GDAP1: variants seen among roughly 807,000 people sequenced by gnomAD.
The protein encoded by GDAP1 is ganglioside-induced differentiation-associated protein 1.
In GDAP1, 34 loss-of-function variants were observed where a neutral mutation model predicts 40.1. The observed-to-expected ratio is 0.85, with a 90% CI of 0.64 to 1.13. GDAP1 has a LOEUF of 1.13. Ranked by LOEUF, GDAP1 falls within the 50% of genes most tolerant of loss-of-function variation. The probability of loss-of-function intolerance (pLI) is 0.00; values close to 1 mark genes in which losing one functional copy is unlikely to be tolerated. For missense variants in GDAP1, 374 were observed against 433.7 expected (o/e 0.86, Z 1.22); for synonymous variants, 170 against 157.4 (o/e 1.08, Z -0.60).
At chr8:74,390,941 C>A (rs982498098) in intron 2 of GDAP1, among the ~76,000 whole-genome samples, 4 of 152,324 alleles carry the variant, frequency 2.6e-5, no homozygotes, top group African/African-American at 9.6e-5. Flanking sequence ...CTGCAGTGGG[C>A]TCTGCCCAGT....
At chr8:74,413,015 T>C (rs13261436) in intron 2 of GDAP1, among the ~76,000 whole-genome samples, 67,337 of 135,064 alleles carry the variant, frequency 0.5, 16,940 homozygotes, top group Middle Eastern at 0.61. Flanking sequence ...TGCAGTGAGC[T>C]GAGATCGCTC....
intron 2 of GDAP1, among the ~76,000 whole-genome samples, chr8:74,478,168 C>A (rs1384952139): frequency 6.6e-6 from 1 of 151,980 alleles, no homozygotes; most frequent in African/African-American, 2.4e-5. Flanking sequence ...TCCCTGCCTG[C>A]CAACAGACAA....
At chr8:74,405,860 G>A (rs1805630633) in intron 2 of GDAP1, among the ~76,000 whole-genome samples, 1 of 149,786 alleles carries the variant, frequency 6.7e-6, no homozygotes, top group African/African-American at 2.6e-5. Context: ...TTCAGCATTG[G>A]AGGCCAGTCA....
chr8:74,440,604 CTTT>C (rs55740070), intron 2 of GDAP1, among the ~76,000 whole-genome samples: 1 of 143,712 alleles, frequency 7.0e-6, no homozygotes. Context: ...CTTTAGAAGT[CTTT>C]TTTTTTTTTT....
Position 74,463,951 on chromosome 8 carries a change from A to G in GDAP1, c.166-24727A>G, listed in dbSNP as rs1178160069. On this transcript the variant is annotated intron_variant, in intron 2 of 2. Transcript: ENST00000523640. The stretch of plus-strand genomic sequence containing the variant: ...TATCTAGCATAAAGGGAAAAAATCC[A>G]TAAATACGTATGTACCTGCTATATC... Among the ~76,000 whole-genome samples, 3 of 138,774 alleles carry G rather than the reference A, an allele frequency of 2.2e-5. No individual in the cohort carries two copies. In the Admixed American group the frequency reaches 2.2e-4, roughly 10 times the overall value. 91.0% of individuals were successfully genotyped at this position (138,774 alleles called of 152,430 possible). A position where few individuals can be genotyped will look rare whatever the true frequency, so the allele number is the denominator to read the frequency against.
intron 2 of GDAP1, among the ~76,000 whole-genome samples, chr8:74,475,002 A>T (rs931540560): frequency 6.6e-6 from 1 of 151,852 alleles, no homozygotes; most frequent in Non-Finnish European, 1.5e-5. Context: ...CTGGTTCAGT[A>T]TTGGGACAGT....
chr8:74,485,924 C>T (rs1044699930), intron 2 of GDAP1, among the ~76,000 whole-genome samples: 3 of 152,010 alleles, frequency 2.0e-5, no homozygotes, highest in African/African-American at 7.3e-5. Flanking sequence ...GAAAACTGAC[C>T]CAAAAGTGGT....
At chr8:74,397,312 T>G (rs887393300) in intron 2 of GDAP1, among the ~76,000 whole-genome samples, 8 of 152,068 alleles carry the variant, frequency 5.3e-5, no homozygotes, top group African/African-American at 1.9e-4. Context: ...AGGTTGCCTG[T>G]TCACTCTGAT....
intron 2 of GDAP1, among the ~76,000 whole-genome samples, chr8:74,356,659 A>AGTGT (rs144717682): frequency 0.014 from 1,749 of 122,958 alleles, 23 homozygotes; most frequent in East Asian, 0.041. Context: ...AATATTATTT[A>AGTGT]GTGTGTGTGT....
At position 74,360,290 on chromosome 8, in the gene GDAP1, A is replaced by T. The variant is rs1162629275; in HGVS notation, c.464A>T (p.Tyr155Phe). The change falls in exon 3 of 6, where the codon TAT (tyrosine) becomes TTT (phenylalanine). Residue 155 changes from tyrosine to phenylalanine, a missense_variant. By Grantham distance (22) the Tyr-to-Phe change is conservative. Transcript: ENST00000220822. Reference sequence around the variant, plus strand: ...ACTGTGGACTCCATGATCCCGGCTTATGCAACTACAAGGATTCGTAGTATG... The same window carrying T: ...ACTGTGGACTCCATGATCCCGGCTTTTGCAACTACAAGGATTCGTAGTATG... ...ELTVDSMIPA[Y>F]ATTRIRSQIG... 1.2e-6 allele frequency: 2 copies of T among 1,613,872 alleles called. No individual in the cohort carries two copies. Among genetic ancestry groups the T allele is most frequent in the Non-Finnish European group, 1.7e-6 (2 of 1,179,828 alleles).
At position 74,359,984 on chromosome 8, in the gene GDAP1, TTGAA is replaced by T. The variant is rs10557622; in HGVS notation, c.311-146_311-143del. ...CTGGTGCATCAGGCCATTTCAAACTTTGAATGAATGTCTGAGGTGAGGAGACAGT... is the reference window on the plus strand; with the variant it reads ...CTGGTGCATCAGGCCATTTCAAACTTTGAATGTCTGAGGTGAGGAGACAGT... On this transcript the variant is annotated intron_variant, in intron 2 of 5. Coordinates refer to ENST00000220822, the MANE Select transcript of GDAP1 (RefSeq NM_018972.4). Among the ~76,000 whole-genome samples the T allele has an allele frequency of 0.99, 151,290 of 152,274 alleles. 75,162 individuals carry two copies. The highest frequency in any genetic ancestry group is 1 in the East Asian group (5,182 of 5,182).
At chr8:74,421,326 T>C (rs961504745) in intron 2 of GDAP1, among the ~76,000 whole-genome samples, 1 of 152,166 alleles carries the variant, frequency 6.6e-6, no homozygotes, top group Non-Finnish European at 1.5e-5. Flanking sequence ...TAGGTTCTTT[T>C]TTTTTTCCCT....
At chr8:74,456,118 A>G (rs917358957) in intron 2 of GDAP1, among the ~76,000 whole-genome samples, 4 of 151,870 alleles carry the variant, frequency 2.6e-5, no homozygotes, top group Non-Finnish European at 4.4e-5. Context: ...CTCAGTGACA[A>G]TTTTTTGTTC....
At chr8:74,418,343 G>C (rs958116688) in intron 2 of GDAP1, among the ~76,000 whole-genome samples, 9 of 152,202 alleles carry the variant, frequency 5.9e-5, no homozygotes, top group African/African-American at 2.2e-4. Context: ...ATAAGCATAT[G>C]GGTCAATTGA....
intron 2 of GDAP1, among the ~76,000 whole-genome samples, chr8:74,387,921 T>A (rs1810049651): frequency 1.3e-5 from 2 of 151,840 alleles, no homozygotes; most frequent in African/African-American, 4.8e-5. Context: ...AGGGTGTATG[T>A]GTCAAGGAAT....
At chr8:74,477,425 A>G (rs1586847485) in intron 2 of GDAP1, among the ~76,000 whole-genome samples, 1 of 150,606 alleles carries the variant, frequency 6.6e-6, no homozygotes, top group South Asian at 2.1e-4. Flanking sequence ...TTGTGGGCTA[A>G]TATTCCTTCA....
chr8:74,449,525 CA>C (rs1395376187), intron 2 of GDAP1, among the ~76,000 whole-genome samples: 1 of 151,748 alleles, frequency 6.6e-6, no homozygotes, highest in African/African-American at 2.4e-5. Flanking sequence ...GTTTTTAGTT[CA>C]GAGAATTTGC....
At chr8:74,455,780 C>A (rs921553371) in intron 2 of GDAP1, among the ~76,000 whole-genome samples, 3 of 151,804 alleles carry the variant, frequency 2.0e-5, no homozygotes, top group African/African-American at 7.3e-5. Context: ...ATTCTATATC[C>A]TCAAACAGTC....
At chr8:74,428,619 A>G (rs1207043637) in intron 2 of GDAP1, among the ~76,000 whole-genome samples, 4 of 124,748 alleles carry the variant, frequency 3.2e-5, no homozygotes, top group Admixed American at 9.4e-5. Flanking sequence ...GGCGTATGCC[A>G]CCACACCCGG....
Sources: allele counts gnomAD v4.1 joint callset (sites outside exome capture counted in the v4.1 genomes callset), GRCh38; gene constraint gnomAD v4.1.1; transcripts MANE v1.5; gene names NCBI Gene and HGNC (gene_info 2026-07-23, HGNC 2026-07-21).